C6orf132: variants seen among roughly 807,000 people sequenced by gnomAD.
C6orf132 encodes the protein chromosome 6 open reading frame 132, also known as uncharacterized protein C6orf132.
C6orf132 carries 43 observed loss-of-function variants against 65.3 expected under a neutral mutation model. The ratio of observed to expected loss-of-function variants is 0.66; its 90% CI spans 0.52 to 0.85. The LOEUF is 0.85. Among genes scored for constraint, C6orf132 ranks in the 40% least tolerant of loss-of-function variants. The probability of loss-of-function intolerance (pLI) is 0.00; values close to 1 mark genes in which losing one functional copy is unlikely to be tolerated. For synonymous variants in C6orf132, 631 were observed against 654.1 expected (o/e 0.96, Z 0.54); for missense variants, 1,488 against 1,548.8 (o/e 0.96, Z 0.66).
At chr6:42,130,533 G>A (rs1027412794) in intron 1 of C6orf132, among the ~76,000 whole-genome samples, 2 of 152,090 alleles carry the variant, frequency 1.3e-5, no homozygotes, top group Admixed American at 6.6e-5. Flanking sequence ...GGGGTGGGGC[G>A]GGGATTGCCA....
In C6orf132 at chr6:42,101,198, A is replaced by C. The variant is rs938593405; in HGVS notation, c.*2563T>G. On this transcript the variant is annotated 3_prime_UTR_variant, in exon 5 of 5. Transcript: ENST00000341865. ...GAGGTATTCATCACCCAAAGATGCC[A>C]TTTGCTGAGCAACTACTAAGCGCTA... 8 of 152,084 alleles carry C rather than the reference A, an allele frequency of 5.3e-5. No individual in the cohort carries two copies. The highest frequency in any genetic ancestry group is 1.9e-4 in the African/African-American group (8 of 41,402). 9.4% of individuals were successfully genotyped at this position (152,084 alleles called of 1,614,324 possible).
rs546989043 is a variant in C6orf132, at chr6:42,128,140, A to G, written c.252+532T>C. Among the ~76,000 whole-genome samples the G allele has an allele frequency of 6.1e-4, 91 of 150,184 alleles. No homozygotes were observed. In the South Asian group the frequency reaches 0.019, roughly 31 times the overall value. On this transcript the variant is annotated intron_variant, in intron 2 of 4. Coordinates refer to ENST00000341865, the MANE Select transcript of C6orf132 (RefSeq NM_001164446.3). ...ACAGGGTTTCACCGTGTTAGCCAGG[A>G]TGGTCTCGATCTCCTGACCTCATGA...
At position 42,110,126 on chromosome 6, in the gene C6orf132, G is replaced by A. The variant is rs549269975; in HGVS notation, c.328+90C>T. The A allele has an allele frequency of 8.4e-4, 889 of 1,057,300 alleles. 1 individual carries two copies. Among genetic ancestry groups the A allele is most frequent in the Non-Finnish European group, 1.1e-3 (803 of 733,866 alleles). 65.5% of individuals were successfully genotyped at this position (1,057,300 alleles called of 1,614,324 possible). ...CCTGAGGACTCTGGCTTTGTCACCA[G>A]CTGTGAAGATGAGCAGATGCTTAGC... On this transcript the variant is annotated intron_variant, in intron 3 of 4. Coordinates refer to ENST00000341865, the MANE Select transcript of C6orf132 (RefSeq NM_001164446.3).
intron 3 of C6orf132, 81 bp downstream of exon 3, chr6:42,110,135 A>T: frequency 1.8e-6 from 2 of 1,142,384 alleles, no homozygotes; most frequent in Non-Finnish European, 2.5e-6. Flanking sequence ...AGCTGTGAAG[A>T]TGAGCAGATG....
Position 42,107,092 on chromosome 6 carries a change from C to A in C6orf132, c.820G>T (p.Ala274Ser). The part of the protein sequence containing the change: ...LNGRQAEATR[A>S]SPPRSPAEPK... ...TCAGCAGGGCTTCTCGGGGGGCTGGCTCTGGTGGCCTCTGCCTGCCTGCCA... is the reference window on the plus strand; with the variant it reads ...TCAGCAGGGCTTCTCGGGGGGCTGGATCTGGTGGCCTCTGCCTGCCTGCCA... The change falls in exon 4 of 5, where the codon GCC (alanine) becomes TCC (serine). Residue 274 changes from alanine (A) to serine (S), a missense_variant. Ala to Ser is a moderately conservative substitution (Grantham distance 99). Transcript: ENST00000341865. The A allele has an allele frequency of 6.8e-7, 1 of 1,461,650 alleles. No homozygotes were observed. Among genetic ancestry groups the A allele is most frequent in the South Asian group, 1.4e-5 (1 of 72,978 alleles). The allele number at this position is 1,461,650 out of a possible 1,614,324, so 90.5% of individuals were successfully genotyped here. A position where few individuals can be genotyped will look rare whatever the true frequency, so the allele number is the denominator to read the frequency against.
At chr6:42,136,177 A>G (rs1182570071) in intron 1 of C6orf132, among the ~76,000 whole-genome samples, 1 of 140,978 alleles carries the variant, frequency 7.1e-6, no homozygotes, top group Non-Finnish European at 1.6e-5. Context: ...AAAAAAAAAG[A>G]AAGTTGGTAA....
At chr6:42,137,447 T>G (rs1351857468) in intron 1 of C6orf132, among the ~76,000 whole-genome samples, 1 of 152,022 alleles carries the variant, frequency 6.6e-6, no homozygotes, top group Non-Finnish European at 1.5e-5. Flanking sequence ...AAATATATGC[T>G]CAGCTCCTGA....
intron 1 of C6orf132, among the ~76,000 whole-genome samples, chr6:42,134,357 C>T (rs937545985): frequency 1.3e-5 from 2 of 152,182 alleles, no homozygotes; most frequent in Admixed American, 6.6e-5. Flanking sequence ...GTCATCAGCA[C>T]AGTGCCTAGC....
At chr6:42,123,978 G>T (rs565038237) in intron 2 of C6orf132, among the ~76,000 whole-genome samples, 133 of 152,298 alleles carry the variant, frequency 8.7e-4, no homozygotes, top group Admixed American at 3.1e-3. Context: ...TGTCATTAGG[G>T]CCTGGCTTCT....
chr6:42,104,885 C>G lies in C6orf132; in HGVS notation c.3027G>C (p.Gln1009His). 6.9e-7 allele frequency: 1 copy of G among 1,449,054 alleles called. No individual in the cohort carries two copies. Among genetic ancestry groups the G allele is most frequent in the Non-Finnish European group, 9.0e-7 (1 of 1,105,296 alleles). 89.8% of individuals were successfully genotyped at this position (1,449,054 alleles called of 1,614,324 possible). A position where few individuals can be genotyped will look rare whatever the true frequency, so the allele number is the denominator to read the frequency against. The change falls in exon 4 of 5, where the codon CAG becomes CAC. Residue 1009 changes from glutamine to histidine, a missense_variant. Physicochemically the swap from Gln to His is conservative, Grantham distance 24. Coordinates refer to ENST00000341865, the MANE Select transcript of C6orf132 (RefSeq NM_001164446.3). This position sits in a 1 kb window ranked among gnomAD's most constrained non-coding sequence, Gnocchi z 4.1. ...PAPALQYLGR[Q>H]SSPPRNNYSD... ...AGTAGTTGTTCCGGGGAGGGGAGCT[C>G]TGGCGGCCCAGATACTGGAGGGCCG...
intron 2 of C6orf132, among the ~76,000 whole-genome samples, chr6:42,118,275 G>C (rs4400215): frequency 0.58 from 88,245 of 151,952 alleles, 26,700 homozygotes; most frequent in African/African-American, 0.72. Flanking sequence ...GCAGGAGTAG[G>C]TGGGAGGGAG....
intron 3 of C6orf132, among the ~76,000 whole-genome samples, chr6:42,108,781 C>A (rs1252698109): frequency 6.6e-6 from 1 of 151,590 alleles, no homozygotes; most frequent in Non-Finnish European, 1.5e-5. Flanking sequence ...CTACTTCCTT[C>A]TTAGGGGCAC....
chr6:42,139,197 G>A (rs1766997087), intron 1 of C6orf132, among the ~76,000 whole-genome samples: 1 of 152,138 alleles, frequency 6.6e-6, no homozygotes, highest in African/African-American at 2.4e-5. Context: ...GATATCGCCA[G>A]CATCTCACCC....
At chr6:42,119,092 A>G (rs2127476168) in intron 2 of C6orf132, among the ~76,000 whole-genome samples, 1 of 148,544 alleles carries the variant, frequency 6.7e-6, no homozygotes, top group African/African-American at 2.5e-5. Flanking sequence ...AAAGAAAAAA[A>G]AAATAGGCAG....
At chr6:42,126,848 A>C in intron 2 of C6orf132, 1 of 91,056 alleles carries the variant, frequency 1.1e-5, no homozygotes, top group Non-Finnish European at 1.9e-5. Context: ...CTCAGTCTGC[A>C]AAAAAAAAAA....
chr6:42,114,451 T>C (rs1766536551), intron 2 of C6orf132, among the ~76,000 whole-genome samples: 2 of 152,190 alleles, frequency 1.3e-5, no homozygotes, highest in African/African-American at 4.8e-5. Flanking sequence ...TGGGCTCCTG[T>C]GGCTTACTTA....
intron 2 of C6orf132, among the ~76,000 whole-genome samples, chr6:42,125,375 G>A (rs1042111385): frequency 2.0e-5 from 3 of 152,176 alleles, no homozygotes; most frequent in African/African-American, 7.2e-5. Context: ...CTCGGAGGGT[G>A]GCTTTGTTAA....
In C6orf132 at chr6:42,109,381, G is replaced by A. The variant is rs1415544102; in HGVS notation, c.328+835C>T. 2.0e-5 allele frequency among the ~76,000 whole-genome samples: 3 copies of A among 152,092 alleles called. No homozygotes were observed. The East Asian group carries it at 5.8e-4, about 29-fold the overall frequency. On this transcript the variant is annotated intron_variant, in intron 3 of 4. Coordinates refer to ENST00000341865, the MANE Select transcript of C6orf132 (RefSeq NM_001164446.3). ...CGGGAGGCAGAGGTTGCAGTGAGCT[G>A]AGATCACACCACTGCCCTCCAGCCT...
chr6:42,137,657 A>G (rs771287200), intron 1 of C6orf132, among the ~76,000 whole-genome samples: 5 of 152,170 alleles, frequency 3.3e-5, no homozygotes, highest in South Asian at 2.1e-4. Context: ...AAAGGGAAAG[A>G]GAATAGCCTT....
Sources: gnomAD v4.1 joint callset for allele counts (sites outside exome capture counted in the v4.1 genomes callset) on GRCh38, gnomAD v4.1.1 for gene constraint, Gnocchi (gnomAD v3.1) non-coding constraint, MANE v1.5 for transcripts, NCBI Gene and HGNC (gene_info 2026-07-23, HGNC 2026-07-21) for gene names.